Variants in ADGRL3 observed in about 807,000 individuals in gnomAD.
ADGRL3 encodes the protein calcium-independent alpha-latrotoxin receptor 3.
A neutral mutation model predicts 153.5 loss-of-function variants in ADGRL3; 62 were observed. The observed-to-expected ratio is 0.40, with a 90% confidence interval of 0.33 to 0.50. The LOEUF (loss-of-function observed/expected upper bound fraction) is 0.50, where lower values mean the gene tolerates loss of function less well. Ranked by LOEUF, ADGRL3 falls within the 20% of genes least tolerant of loss-of-function variation. ADGRL3 has a pLI of 0.47. For missense variants in ADGRL3, 1,641 were observed against 1,859.4 expected, an observed-to-expected ratio of 0.88 and a Z score of 2.16; for synonymous variants, 710 against 672.5, an observed-to-expected ratio of 1.06 and a Z score of -0.86.
chr4:61,229,242 T>C (rs994815618), intron 1 of ADGRL3, among the ~76,000 whole-genome samples: 2 of 152,228 alleles, frequency 1.3e-5, no homozygotes, highest in Admixed American at 6.5e-5. Context: ...CTGTCTTTGC[T>C]TATGTGCTTA....
intron 8 of ADGRL3, among the ~76,000 whole-genome samples, chr4:61,801,694 T>C (rs989251690): frequency 6.6e-6 from 1 of 152,116 alleles, no homozygotes; most frequent in Non-Finnish European, 1.5e-5. Context: ...GGATATAATA[T>C]CAAGTCCAGC....
At chr4:61,521,349 T>C (rs976026536) in intron 4 of ADGRL3, among the ~76,000 whole-genome samples, 8 of 152,156 alleles carry the variant, frequency 5.3e-5, no homozygotes, top group Non-Finnish European at 1.0e-4. Flanking sequence ...GGATAATTTC[T>C]AGATATCAGT....
intron 8 of ADGRL3, among the ~76,000 whole-genome samples, chr4:61,774,886 C>T (rs2097129795): frequency 6.6e-6 from 1 of 152,144 alleles, no homozygotes; most frequent in South Asian, 2.1e-4. Context: ...CCTTGGGACA[C>T]ATTCTCCACG....
At chr4:62,007,410 GTATATATATATACACA>G (rs2099164443) in intron 21 of ADGRL3, among the ~76,000 whole-genome samples, 12 of 29,046 alleles carry the variant, frequency 4.1e-4, no homozygotes, top group African/African-American at 1.2e-3. Flanking sequence ...ATATATACAC[GTATATATATATACACA>G]TATATATATA....
At chr4:61,536,813 G>C (rs562893764) in intron 4 of ADGRL3, among the ~76,000 whole-genome samples, 3 of 151,942 alleles carry the variant, frequency 2.0e-5, no homozygotes. Context: ...GACAACAGAT[G>C]GTAGGCTCTT....
chr4:62,043,610 C>G (rs1033246605), intron 24 of ADGRL3, among the ~76,000 whole-genome samples: 4 of 152,002 alleles, frequency 2.6e-5, no homozygotes, highest in African/African-American at 7.2e-5. Context: ...TAAGTAGTAG[C>G]AATGTTTCTT....
intron 2 of ADGRL3, among the ~76,000 whole-genome samples, chr4:61,473,568 A>G (rs1417041028): frequency 1.3e-5 from 2 of 152,062 alleles, no homozygotes; most frequent in Non-Finnish European, 2.9e-5. Flanking sequence ...TTCCATATGT[A>G]AAAGTGATAT....
chr4:61,586,319 A>T (rs1013383510), intron 4 of ADGRL3, among the ~76,000 whole-genome samples: 3 of 152,044 alleles, frequency 2.0e-5, no homozygotes, highest in African/African-American at 4.8e-5. Context: ...TCCTTGCAGT[A>T]TTATGACACA....
chr4:61,791,917 G>A (rs772466010), intron 8 of ADGRL3, among the ~76,000 whole-genome samples: 1 of 152,054 alleles, frequency 6.6e-6, no homozygotes, highest in Non-Finnish European at 1.5e-5. Flanking sequence ...ACCAAGAGGA[G>A]GGGAACCCTG....
At chr4:61,342,637 T>G (rs2151161636) in intron 1 of ADGRL3, among the ~76,000 whole-genome samples, 1 of 152,310 alleles carries the variant, frequency 6.6e-6, no homozygotes, top group Admixed American at 6.5e-5. Context: ...TCCAACCTTC[T>G]TTCCCATTTA....
chr4:61,636,797 A>G (rs1349321468), intron 5 of ADGRL3, among the ~76,000 whole-genome samples: 1 of 150,988 alleles, frequency 6.6e-6, no homozygotes, highest in Non-Finnish European at 1.5e-5. Flanking sequence ...TAGGATGTAT[A>G]TACATAAATA....
chr4:61,379,183 G>T (rs1200324224), intron 1 of ADGRL3, among the ~76,000 whole-genome samples: 1 of 151,970 alleles, frequency 6.6e-6, no homozygotes, highest in Non-Finnish European at 1.5e-5. Flanking sequence ...AGTCGGGTGA[G>T]ACCTGAAGGG....
At chr4:61,752,097 C>G (rs2096764267) in intron 8 of ADGRL3, among the ~76,000 whole-genome samples, 1 of 152,098 alleles carries the variant, frequency 6.6e-6, no homozygotes, top group Admixed American at 6.6e-5. Context: ...GTTATAACCA[C>G]TTGGAGAGCA....
chr4:61,985,576 C>T (rs1398791052), intron 19 of ADGRL3, among the ~76,000 whole-genome samples: 1 of 152,096 alleles, frequency 6.6e-6, no homozygotes, highest in Non-Finnish European at 1.5e-5. Flanking sequence ...CACCGGCAAT[C>T]AGCAGTCTGA....
chr4:61,575,622 C>T (rs1020092980), intron 4 of ADGRL3, among the ~76,000 whole-genome samples: 1 of 151,956 alleles, frequency 6.6e-6, no homozygotes. Flanking sequence ...GAATACTCAC[C>T]CATCTCAAAC....
chr4:61,755,493 C>G (rs200292625), intron 8 of ADGRL3, among the ~76,000 whole-genome samples: 17,749 of 147,232 alleles, frequency 0.12, 1,267 homozygotes, highest in Admixed American at 0.23. Context: ...AAATTTGTTT[C>G]AGTTCATTGT....
At chr4:61,446,292 C>A (rs2097581382) in intron 2 of ADGRL3, among the ~76,000 whole-genome samples, 1 of 152,176 alleles carries the variant, frequency 6.6e-6, no homozygotes, top group Admixed American at 6.5e-5. Context: ...CCCTTCATTT[C>A]CACTTCAGAC....
chr4:61,422,413 T>G (rs1336995089), intron 2 of ADGRL3, among the ~76,000 whole-genome samples: 1 of 152,182 alleles, frequency 6.6e-6, no homozygotes, highest in Non-Finnish European at 1.5e-5. Flanking sequence ...CATATGCCAC[T>G]AGCATGCTTG....
rs1297743068 is a variant in ADGRL3, at chr4:62,070,648, A to T, written c.4372A>T (p.Thr1458Ser). The T allele has an allele frequency of 6.4e-7, 1 of 1,551,568 alleles. No homozygotes were observed. Among genetic ancestry groups the T allele is most frequent in the Non-Finnish European group, 8.7e-7 (1 of 1,146,974 alleles). Residue 1458 changes from threonine (T) to serine (S), a missense_variant, in exon 27 of 27, where the codon ACA becomes TCA. Thr to Ser is a moderately conservative substitution (Grantham distance 58). Coordinates refer to ENST00000683033, the MANE Select transcript of ADGRL3 (RefSeq NM_001387552.1). ...AGACTCTCTCTATACCAGCATGCCG[A>T]CACTGGCTGGTGTGGCCGCCACAGA... ...HRDSLYTSMPTLAGVAATESV... is the reference protein window; with the variant it reads ...HRDSLYTSMPSLAGVAATESV...
Sources: gnomAD v4.1 joint callset for allele counts (sites outside exome capture counted in the v4.1 genomes callset) on GRCh38, gnomAD v4.1.1 for gene constraint, MANE v1.5 for transcripts, NCBI Gene and HGNC (gene_info 2026-07-23, HGNC 2026-07-21) for gene names.